The following MFSD11 variants were observed in gnomAD, a reference collection of about 807,000 sequenced individuals.
The protein encoded by MFSD11 is UNC93-like protein MFSD11.
A neutral mutation model predicts 53.5 loss-of-function variants in MFSD11; 36 were observed. The ratio of observed to expected loss-of-function variants is 0.67; its 90% CI spans 0.52 to 0.89. The LOEUF (loss-of-function observed/expected upper bound fraction) is 0.89. MFSD11 is among the 40% of genes least tolerant of loss of function. The pLI, the probability that MFSD11 is intolerant of heterozygous loss-of-function variation, is 0.00. For missense variants in MFSD11, 530 were observed against 543.9 expected (o/e 0.97, Z 0.25); for synonymous variants, 186 against 184.9 (o/e 1.01, Z -0.05).
intron 8 of MFSD11, among the ~76,000 whole-genome samples, chr17:76,755,799 TATATATATA>T: frequency 3.9e-5 from 1 of 25,440 alleles, no homozygotes; most frequent in Admixed American, 4.7e-4. Flanking sequence ...TACATATATA[TATATATATA>T]TATATTTTTT....
the MFSD11 span, among the ~76,000 whole-genome samples, chr17:76,789,291 G>C: frequency 1.3e-5 from 2 of 150,204 alleles, no homozygotes; most frequent in South Asian, 4.4e-4. Context: ...TCCGGGGTTT[G>C]TGTTTTTCTT....
intron 1 of MFSD11, 138 bp from the exon 2 acceptor site, chr17:76,738,800 T>C: frequency 1.5e-6 from 1 of 685,088 alleles, no homozygotes; most frequent in Non-Finnish European, 2.5e-6. Context: ...CCTTTTTCTT[T>C]TCTCATAATG....
At chr17:76,785,952 A>G (rs1195824048), downstream of MFSD11, among the ~76,000 whole-genome samples, 2 of 150,952 alleles carry the variant, frequency 1.3e-5, no homozygotes, top group Non-Finnish European at 3.0e-5. Flanking sequence ...GGTGGTGGGC[A>G]CCTGTAATCC....
the MFSD11 span, among the ~76,000 whole-genome samples, chr17:76,793,035 A>G: frequency 1.3e-5 from 2 of 151,452 alleles, no homozygotes; most frequent in African/African-American, 4.9e-5. Flanking sequence ...TCACAAGGTA[A>G]TAGAATATCA....
At chr17:76,754,166 C>T in intron 8 of MFSD11, 79 bp downstream of exon 8, 1 of 1,221,518 alleles carries the variant, frequency 8.2e-7, no homozygotes, top group Admixed American at 1.8e-5. Context: ...TCCCTGGTAA[C>T]TTTGGATTGA....
chr17:76,800,385 A>T, the MFSD11 span, among the ~76,000 whole-genome samples: 52 of 152,270 alleles, frequency 3.4e-4, no homozygotes, highest in Non-Finnish European at 5.1e-4. Context: ...TCCAGTAAGG[A>T]ATCACTTAAT....
chr17:76,788,651 A>G, the MFSD11 span, among the ~76,000 whole-genome samples: 1 of 149,048 alleles, frequency 6.7e-6, no homozygotes, highest in Non-Finnish European at 1.5e-5. Context: ...GGAGTTCGAG[A>G]CCAGCCTGGC....
At chr17:76,750,285 C>G (rs1162950983) in intron 7 of MFSD11, among the ~76,000 whole-genome samples, 1 of 151,894 alleles carries the variant, frequency 6.6e-6, no homozygotes, top group Non-Finnish European at 1.5e-5. Context: ...GTATTTGCTT[C>G]CGGGCAAGGC....
chr17:76,769,242 G>C (rs2144784368), intron 9 of MFSD11: 1 of 152,896 alleles, frequency 6.5e-6, no homozygotes, highest in South Asian at 2.1e-4. Flanking sequence ...AGACTGTGTG[G>C]CTTAAACAAC....
chr17:76,765,668 T>A (rs767789226), intron 8 of MFSD11, among the ~76,000 whole-genome samples: 8 of 151,958 alleles, frequency 5.3e-5, no homozygotes, highest in Non-Finnish European at 7.4e-5. Flanking sequence ...TTCGCCATGT[T>A]GCCCAAGCTG....
chr17:76,751,452 G>A (rs1440451896), intron 7 of MFSD11, among the ~76,000 whole-genome samples: 2 of 151,902 alleles, frequency 1.3e-5, no homozygotes, highest in Non-Finnish European at 2.9e-5. Flanking sequence ...CCAACACTTT[G>A]GGAGGCTGAA....
the MFSD11 span, among the ~76,000 whole-genome samples, chr17:76,796,609 A>T: frequency 6.6e-6 from 1 of 152,108 alleles, no homozygotes; most frequent in African/African-American, 2.4e-5. Flanking sequence ...TCTCAGTCCC[A>T]CAAGACTACC....
At chr17:76,743,801 A>C (rs2078307736) in intron 6 of MFSD11, among the ~76,000 whole-genome samples, 1 of 152,072 alleles carries the variant, frequency 6.6e-6, no homozygotes, top group South Asian at 2.1e-4. Flanking sequence ...TTTTTAGTAG[A>C]GATGGGTTTC....
chr17:76,778,158 C>T (rs370399734), intron 12 of MFSD11, 30 bp from the exon 13 acceptor site: 2 of 1,613,016 alleles, frequency 1.2e-6, no homozygotes, highest in African/African-American at 2.7e-5. Context: ...CCCCGGTGCG[C>T]CCGTTGTGAT....
the MFSD11 span, among the ~76,000 whole-genome samples, chr17:76,787,336 C>G: frequency 1.3e-5 from 2 of 149,394 alleles, no homozygotes; most frequent in African/African-American, 4.9e-5. Flanking sequence ...GGGGTTTCGC[C>G]ATGTTGGCCA....
intron 3 of MFSD11, among the ~76,000 whole-genome samples, 185 bp downstream of exon 3, chr17:76,741,249 C>A (rs886938363): frequency 1.3e-5 from 2 of 152,138 alleles, no homozygotes; most frequent in Admixed American, 6.5e-5. Flanking sequence ...GTATCTATAT[C>A]TGCTTTTGTT....
At chr17:76,742,100 A>G (rs768580439) in intron 4 of MFSD11, 52 bp downstream of exon 4, 1 of 1,613,864 alleles carries the variant, frequency 6.2e-7, no homozygotes. Context: ...GGCCTATCTA[A>G]GGGTATTATT....
At chr17:76,778,067 G>A in intron 12 of MFSD11, 121 bp from the exon 13 acceptor site, 1 of 884,134 alleles carries the variant, frequency 1.1e-6, no homozygotes, top group Admixed American at 2.4e-5. Flanking sequence ...GATGCAGAAA[G>A]AATAGAAAGC....
At chr17:76,772,200 C>T (rs1008010956) in intron 10 of MFSD11, among the ~76,000 whole-genome samples, 2 of 151,996 alleles carry the variant, frequency 1.3e-5, no homozygotes, top group South Asian at 2.1e-4. Flanking sequence ...GTGGGCAGAT[C>T]GCTTGAGTTC....
Sources: allele counts gnomAD v4.1 joint callset (sites outside exome capture counted in the v4.1 genomes callset), GRCh38; gene constraint gnomAD v4.1.1; transcripts MANE v1.5; gene names NCBI Gene and HGNC (gene_info 2026-07-23, HGNC 2026-07-21).